The following ANKRD45 variants were observed in gnomAD, a reference collection of about 807,000 sequenced individuals.
ANKRD45 encodes ankyrin repeat domain 45.
A neutral mutation model predicts 28.1 loss-of-function variants in ANKRD45; 21 were observed. That is an observed-to-expected ratio of 0.75 (90% CI 0.53 to 1.08). The LOEUF (loss-of-function observed/expected upper bound fraction) is 1.08. ANKRD45 is among the 50% of genes least tolerant of loss of function. The pLI, the probability that ANKRD45 is intolerant of heterozygous loss-of-function variation, is 0.00. For synonymous variants in ANKRD45, 86 were observed against 103.9 expected (o/e 0.83, Z 1.05); for missense variants, 261 against 308.7 (o/e 0.85, Z 1.16).
At chr1:173,647,932 T>G (rs924844300) in intron 2 of ANKRD45, among the ~76,000 whole-genome samples, 1 of 152,058 alleles carries the variant, frequency 6.6e-6, no homozygotes, top group Non-Finnish European at 1.5e-5. Flanking sequence ...TATAGGCTCA[T>G]GCCAGCATGC....
chr1:173,634,902 G>A (rs1668356983), intron 3 of ANKRD45, among the ~76,000 whole-genome samples: 1 of 151,716 alleles, frequency 6.6e-6, no homozygotes, highest in Non-Finnish European at 1.5e-5. Flanking sequence ...TATTATAAGG[G>A]ACAGGCACTC....
At chr1:173,669,576 C>G in intron 1 of ANKRD45, 1 of 435,318 alleles carries the variant, frequency 2.3e-6, no homozygotes, top group Non-Finnish European at 4.6e-6. Flanking sequence ...CACTTCAGGG[C>G]ACCAGAGTTT....
chr1:173,692,637 G>A, the ANKRD45 span, among the ~76,000 whole-genome samples: 1 of 152,290 alleles, frequency 6.6e-6, no homozygotes, highest in South Asian at 2.1e-4. Context: ...TCTGAGAACT[G>A]ATGCTGCTTC....
chr1:173,663,356 A>G (rs969227601), intron 1 of ANKRD45, among the ~76,000 whole-genome samples: 3 of 152,162 alleles, frequency 2.0e-5, no homozygotes, highest in Non-Finnish European at 4.4e-5. Context: ...ACTGCCTGCT[A>G]TGAGAACATA....
chr1:173,667,556 A>T (rs1475361919), intron 1 of ANKRD45: 4 of 238,086 alleles, frequency 1.7e-5, no homozygotes, highest in Non-Finnish European at 3.4e-5. Context: ...ACACAAAAAA[A>T]TTAGTCGGGC....
the ANKRD45 span, among the ~76,000 whole-genome samples, chr1:173,690,572 C>G: frequency 6.6e-6 from 1 of 152,146 alleles, no homozygotes; most frequent in African/African-American, 2.4e-5. Context: ...TAGAAACTGA[C>G]ACATTACATA....
At chr1:173,708,459 C>G in the ANKRD45 span, among the ~76,000 whole-genome samples, 1 of 152,246 alleles carries the variant, frequency 6.6e-6, no homozygotes, top group African/African-American at 2.4e-5. Context: ...TGGAAGCAGA[C>G]AGCAGCCCTT....
chr1:173,672,896 AATG>A (rs1418830112), upstream of ANKRD45, among the ~76,000 whole-genome samples: 1 of 152,178 alleles, frequency 6.6e-6, no homozygotes, highest in Non-Finnish European at 1.5e-5. Context: ...TGTGGGTATT[AATG>A]ATGGAGGTCC....
the ANKRD45 span, among the ~76,000 whole-genome samples, chr1:173,708,607 A>C: frequency 6.6e-6 from 1 of 152,232 alleles, no homozygotes; most frequent in Admixed American, 6.5e-5. Flanking sequence ...AAGACACTGG[A>C]TTGCATTAAA....
At chr1:173,635,770 A>G (rs2102339475) in intron 3 of ANKRD45, 2 of 1,535,610 alleles carry the variant, frequency 1.3e-6, no homozygotes, top group South Asian at 1.2e-5. Flanking sequence ...ATAATTTATT[A>G]CAAGCTGTCT....
intron 5 of ANKRD45, among the ~76,000 whole-genome samples, chr1:173,616,968 T>G (rs899960193): frequency 3.9e-5 from 6 of 152,022 alleles, no homozygotes; most frequent in Non-Finnish European, 8.8e-5. Context: ...CAGTGAGTGA[T>G]TGTGCGACCA....
chr1:173,633,711 C>T (rs556770606), intron 3 of ANKRD45, among the ~76,000 whole-genome samples: 5 of 151,708 alleles, frequency 3.3e-5, no homozygotes, highest in South Asian at 2.1e-4. Flanking sequence ...TCACTTTTGA[C>T]GAAGGTGCCA....
At chr1:173,667,968 T>G (rs1234294648) in intron 1 of ANKRD45, among the ~76,000 whole-genome samples, 1 of 152,248 alleles carries the variant, frequency 6.6e-6, no homozygotes, top group African/African-American at 2.4e-5. Flanking sequence ...ACTTTCTAAC[T>G]AATTCTTTTG....
chr1:173,661,954 T>C lies in ANKRD45; in HGVS notation c.-15-2521A>G, dbSNP rs181583626. Among the ~76,000 whole-genome samples, 120 of 152,324 alleles carry C rather than the reference T, an allele frequency of 7.9e-4. 1 individual carries two copies. The highest frequency in any genetic ancestry group is 7.7e-3 in the Admixed American group (117 of 15,294). On this transcript the variant is annotated intron_variant, in intron 1 of 5. Transcript: ENST00000333279. ...ACTTGAAAAAGAACATTCAAGGTGA[T>C]ACTGAAGTAGGACTGCAGAGAATGA...
chr1:173,688,353 C>CCT, the ANKRD45 span, among the ~76,000 whole-genome samples: 54 of 136,920 alleles, frequency 3.9e-4, no homozygotes, highest in African/African-American at 1.4e-3. Flanking sequence ...TCTCTGACTC[C>CCT]CTCTCTCTCT....
the ANKRD45 span, among the ~76,000 whole-genome samples, chr1:173,698,689 T>C: frequency 4.6e-5 from 7 of 152,180 alleles, no homozygotes; most frequent in East Asian, 7.7e-4. Flanking sequence ...GGGAAATTTA[T>C]AGCAATAAAT....
chr1:173,620,017 C>T (rs913673898), intron 5 of ANKRD45, among the ~76,000 whole-genome samples: 1 of 152,038 alleles, frequency 6.6e-6, no homozygotes, highest in Non-Finnish European at 1.5e-5. Flanking sequence ...GAGACTTTAA[C>T]ACCCCACTGA....
chr1:173,623,746 T>C (rs1323229321), intron 5 of ANKRD45, among the ~76,000 whole-genome samples: 1 of 152,004 alleles, frequency 6.6e-6, no homozygotes, highest in Non-Finnish European at 1.5e-5. Context: ...AAAGAAAATG[T>C]GGAACATATA....
chr1:173,665,335 C>T (rs1345586674), intron 1 of ANKRD45, among the ~76,000 whole-genome samples: 3 of 152,078 alleles, frequency 2.0e-5, no homozygotes, highest in Non-Finnish European at 4.4e-5. Context: ...GCCACCACAC[C>T]CAGCTCTTCT....
Sources: gnomAD v4.1 joint callset for allele counts (sites outside exome capture counted in the v4.1 genomes callset) on GRCh38, gnomAD v4.1.1 for gene constraint, MANE v1.5 for transcripts, NCBI Gene and HGNC (gene_info 2026-07-23, HGNC 2026-07-21) for gene names.